CLIP1: variants seen among roughly 807,000 people sequenced by gnomAD.
CLIP1 encodes the protein CAP-Gly domain-containing linker protein 1.
Under a neutral mutation model 161.6 loss-of-function variants are expected in CLIP1, and 66 were observed. The observed-to-expected ratio is 0.41, with a 90% CI of 0.33 to 0.50. The LOEUF (loss-of-function observed/expected upper bound fraction) is 0.50, where lower values mean the gene tolerates loss of function less well. Among genes scored for constraint, CLIP1 ranks in the 20% least tolerant of loss-of-function variants. The probability of loss-of-function intolerance (pLI) is 0.27; values close to 1 mark genes in which losing one functional copy is unlikely to be tolerated. For synonymous variants in CLIP1, 598 were observed against 626.2 expected, an observed-to-expected ratio of 0.96 and a Z score of 0.67; for missense variants, 1,376 against 1,702.0, an observed-to-expected ratio of 0.81 and a Z score of 3.37.
chr12:122,328,028 G>A lies in CLIP1; in HGVS notation c.3168C>T (p.Asp1056=). Residue 1056 remains aspartate, a synonymous_variant, in exon 17 of 26, where the codon GAC becomes GAT. Transcript: ENST00000620786. ...TCTCCTCCCGTGCGCCCTTCAGCTT[G>A]TCCTCTGTGTCCAGCAGCGTCTTCT... ...NLQKTLLDTE[D]KLKGAREENS... is the part of the protein sequence containing the mutation. 1 of 1,614,158 alleles carries A rather than the reference G, an allele frequency of 6.2e-7. No homozygotes were observed. The highest frequency in any genetic ancestry group is 8.5e-7 in the Non-Finnish European group (1 of 1,180,046).
chr12:122,302,144 A>T (rs1186141904), intron 20 of CLIP1, among the ~76,000 whole-genome samples: 1 of 152,192 alleles, frequency 6.6e-6, no homozygotes, highest in Non-Finnish European at 1.5e-5. Context: ...CTTGTTGCCC[A>T]GGCTGAAGTG....
chr12:122,414,246 T>A (rs1956647163), intron 1 of CLIP1, among the ~76,000 whole-genome samples: 1 of 151,934 alleles, frequency 6.6e-6, no homozygotes, highest in Non-Finnish European at 1.5e-5. Flanking sequence ...TTCTTGGGTT[T>A]AAGAGATCCT....
intron 21 of CLIP1, among the ~76,000 whole-genome samples, chr12:122,283,382 CA>C (rs2036250677): frequency 6.7e-6 from 1 of 148,724 alleles, no homozygotes; most frequent in African/African-American, 2.5e-5. Flanking sequence ...TACAAAAAAA[CA>C]AAAAACAAAA....
chr12:122,316,490 G>A (rs1324996333), intron 19 of CLIP1, among the ~76,000 whole-genome samples: 3 of 152,018 alleles, frequency 2.0e-5, no homozygotes, highest in South Asian at 2.1e-4. Flanking sequence ...TTACAGGCAC[G>A]TGCCACCACA....
intron 3 of CLIP1, chr12:122,364,942 G>A: frequency 2.1e-6 from 1 of 477,702 alleles, no homozygotes; most frequent in South Asian, 1.7e-5. Context: ...GTAGGGACAT[G>A]GATGAAATTG....
intron 20 of CLIP1, among the ~76,000 whole-genome samples, chr12:122,292,932 G>A (rs183887647): frequency 6.7e-6 from 1 of 149,576 alleles, no homozygotes; most frequent in Admixed American, 6.6e-5. Flanking sequence ...GAACCCGGGA[G>A]GCGGAGCTTG....
chr12:122,354,966 T>C (rs1347051702), intron 6 of CLIP1, 149 bp downstream of exon 6: 5 of 697,396 alleles, frequency 7.2e-6, no homozygotes, highest in East Asian at 5.2e-5. Flanking sequence ...CCCCAGACTG[T>C]AGCTTTCAAA....
chr12:122,356,747 C>T (rs1232749006), intron 5 of CLIP1, among the ~76,000 whole-genome samples: 1 of 29,438 alleles, frequency 3.4e-5, no homozygotes, highest in Non-Finnish European at 1.1e-4. Flanking sequence ...GCCTGATTCT[C>T]CTGCCTCAGC....
intron 19 of CLIP1, among the ~76,000 whole-genome samples, chr12:122,310,375 A>G (rs1006427460): frequency 3.9e-5 from 6 of 152,228 alleles, no homozygotes; most frequent in African/African-American, 1.4e-4. Context: ...TGTCAGAGTC[A>G]AGTGCTGATG....
chr12:122,353,878 G>A (rs1320590907), intron 7 of CLIP1, among the ~76,000 whole-genome samples: 6 of 151,630 alleles, frequency 4.0e-5, no homozygotes, highest in African/African-American at 1.5e-4. Context: ...TGATCCACCC[G>A]CCTCAGCCTC....
Position 122,377,916 on chromosome 12 carries a change from T to C in CLIP1, c.130A>G (p.Ser44Gly), listed in dbSNP as rs772335291. 1.7e-5 allele frequency: 27 copies of C among 1,613,324 alleles called. No homozygotes were observed. In the Admixed American group the frequency reaches 4.5e-4, roughly 27 times the overall value. Residue 44 changes from serine (S) to glycine (G), a missense_variant, in exon 3 of 26, where the codon AGC (serine) becomes GGC (glycine). By Grantham distance (56) the Ser-to-Gly change is moderately conservative (BLOSUM62 0). This residue lies in a region of CLIP1 where 66 missense variants were observed against 67.8 expected (regional missense o/e 0.97). Transcript: ENST00000620786. ...TCCTGAGTCTCAGATGATGGAGTGC[T>C]TGATGCTTTTTCACTGGATATGGTT... Reference protein sequence around the residue: ...EKTISSEKASSTPSSETQEEF... With the variant: ...EKTISSEKASGTPSSETQEEF...
At position 122,361,136 on chromosome 12, in the gene CLIP1, G is replaced by A. The variant is rs1186191227; in HGVS notation, c.828C>T (p.His276=). The change falls in exon 5 of 26, where the codon CAC becomes CAT. Residue 276 remains histidine, a synonymous_variant. Transcript: ENST00000620786. ...AAGGGAAGCCAATCTTGGTAACTTTGTGGACAGGAGCGAACAAGCCATATT... is the reference window on the plus strand; with the variant it reads ...AAGGGAAGCCAATCTTGGTAACTTTATGGACAGGAGCGAACAAGCCATATT... The part of the protein sequence containing the change: ...QPKYGLFAPV[H]KVTKIGFPST... The A allele has an allele frequency of 2.5e-6, 4 of 1,614,226 alleles. No individual in the cohort carries two copies. Among genetic ancestry groups the A allele is most frequent in the Non-Finnish European group, 3.4e-6 (4 of 1,180,042 alleles).
intron 5 of CLIP1, among the ~76,000 whole-genome samples, chr12:122,357,434 CCG>C (rs1953476010): frequency 6.6e-6 from 1 of 151,654 alleles, no homozygotes; most frequent in Non-Finnish European, 1.5e-5. Flanking sequence ...AAGAGCCCCT[CCG>C]CCCGGCAGCC....
chr12:122,287,441 G>A (rs534556650), intron 21 of CLIP1, among the ~76,000 whole-genome samples: 8 of 152,244 alleles, frequency 5.3e-5, no homozygotes, highest in Admixed American at 4.6e-4. Flanking sequence ...ATTCTTTAAG[G>A]TTTGTTTTTA....
At chr12:122,338,153 C>T (rs745553023) in intron 11 of CLIP1, among the ~76,000 whole-genome samples, 3 of 149,720 alleles carry the variant, frequency 2.0e-5, no homozygotes, top group African/African-American at 7.4e-5. Flanking sequence ...GCCCGGCCAA[C>T]GTGGTGAAAT....
chr12:122,310,365 T>C (rs1175140680), intron 19 of CLIP1, among the ~76,000 whole-genome samples: 1 of 152,254 alleles, frequency 6.6e-6, no homozygotes, highest in East Asian at 1.9e-4. Flanking sequence ...TACCAGTATC[T>C]GTCAGAGTCA....
At chr12:122,278,737 G>T in intron 23 of CLIP1, 55 bp downstream of exon 23, 1 of 1,505,358 alleles carries the variant, frequency 6.6e-7, no homozygotes, top group South Asian at 1.4e-5. Context: ...TACTAGAAAG[G>T]GCTCCTCGGG....
chr12:122,410,169 G>T (rs1284390511), intron 1 of CLIP1, among the ~76,000 whole-genome samples: 1 of 152,058 alleles, frequency 6.6e-6, no homozygotes, highest in Non-Finnish European at 1.5e-5. Context: ...ACCATGCCTA[G>T]CCTCATTTCT....
At chr12:122,363,364 C>T (rs1043568959) in intron 4 of CLIP1, among the ~76,000 whole-genome samples, 6 of 152,072 alleles carry the variant, frequency 3.9e-5, no homozygotes, top group Non-Finnish European at 7.3e-5. Flanking sequence ...TTGTGGCGTG[C>T]GCCTGTAATT....
Sources: allele counts gnomAD v4.1 joint callset (sites outside exome capture counted in the v4.1 genomes callset), GRCh38; gene constraint gnomAD v4.1.1; regional missense constraint gnomAD v4.1.1; transcripts MANE v1.5; gene names NCBI Gene and HGNC (gene_info 2026-07-23, HGNC 2026-07-21).